The following ARHGAP5 variants were observed in gnomAD, a reference collection of about 807,000 sequenced individuals.
The protein encoded by ARHGAP5 is Rho GTPase activating protein 5, also known as rho GTPase-activating protein 5.
A neutral mutation model predicts 116.6 loss-of-function variants in ARHGAP5; 23 were observed. The ratio of observed to expected loss-of-function variants is 0.20; its 90% CI spans 0.14 to 0.28. The LOEUF is 0.28. Among genes scored for constraint, ARHGAP5 ranks in the 10% least tolerant of loss-of-function variants. The pLI is 1.00. For missense variants in ARHGAP5, 1,405 were observed against 1,774.8 expected (o/e 0.79, Z 3.74); for synonymous variants, 574 against 602.0 (o/e 0.95, Z 0.68).
Position 32,091,820 on chromosome 14 carries a change from C to T in ARHGAP5, c.1151C>T (p.Thr384Ile), listed in dbSNP as rs760226462. 2 of 1,613,514 alleles carry T rather than the reference C, an allele frequency of 1.2e-6. No homozygotes were observed. Among genetic ancestry groups the T allele is most frequent in the Non-Finnish European group, 8.5e-7 (1 of 1,179,628 alleles). ...FQLCFVVLEK[T>I]PWDETDHIDK... Reference sequence around the variant, plus strand: ...TTATGTTTTGTGGTGCTAGAAAAAACTCCTTGGGATGAAACTGACCATATA... The same window carrying T: ...TTATGTTTTGTGGTGCTAGAAAAAATTCCTTGGGATGAAACTGACCATATA... The change falls in exon 2 of 7, where the codon ACT (threonine) becomes ATT (isoleucine). Residue 384 changes from threonine to isoleucine, a missense_variant. Thr to Ile is a moderately conservative substitution (Grantham distance 89). Around this residue, in one of 6 missense-constraint regions of ARHGAP5, gnomAD observed 944 missense variants for 1,095.3 expected, o/e 0.86. Transcript: ENST00000345122.
In ARHGAP5 at chr14:32,092,805, A is replaced by C; in HGVS notation, c.2136A>C (p.Pro712=). 6.2e-7 allele frequency: 1 copy of C among 1,614,060 alleles called. No homozygotes were observed. The highest frequency in any genetic ancestry group is 8.5e-7 in the Non-Finnish European group (1 of 1,179,902). Reference sequence around the variant, plus strand: ...GAGATTCCATTAGTAAGAATCTACCAATTCTCAGGCACCAAGGGCAGCAGT... The same window carrying C: ...GAGATTCCATTAGTAAGAATCTACCCATTCTCAGGCACCAAGGGCAGCAGT... The part of the protein sequence containing the change: ...NQRDSISKNL[P]ILRHQGQQLA... The change falls in exon 2 of 7, where the codon CCA becomes CCC. Residue 712 remains proline (P), a synonymous_variant. Transcript: ENST00000345122. The surrounding 1 kb of genome is among the most constrained non-coding windows in gnomAD (Gnocchi z 4.1).
chr14:32,133,191 C>T (rs1479609892), intron 3 of ARHGAP5, among the ~76,000 whole-genome samples: 2 of 152,142 alleles, frequency 1.3e-5, no homozygotes, highest in African/African-American at 4.8e-5. Context: ...TGGCCATTTT[C>T]ACGATATTGA....
At chr14:32,153,382 G>A (rs956342587) in intron 6 of ARHGAP5, among the ~76,000 whole-genome samples, 3 of 94,360 alleles carry the variant, frequency 3.2e-5, no homozygotes, top group African/African-American at 8.2e-5. Flanking sequence ...ACTTCAGTCT[G>A]GCCAACAGAG....
Position 32,155,177 on chromosome 14 carries a change from G to T in ARHGAP5, c.*229G>T. 6.5e-6 allele frequency: 3 copies of T among 464,900 alleles called. No homozygotes were observed. The highest frequency in any genetic ancestry group is 1.1e-5 in the Non-Finnish European group (3 of 262,384). The allele number at this position is 464,900 out of a possible 1,614,324, so 28.8% of individuals were successfully genotyped here. On this transcript the variant is annotated 3_prime_UTR_variant, in exon 7 of 7. Transcript: ENST00000345122. The stretch of plus-strand genomic sequence containing the variant: ...TTTTATAAACAAAAATAGCTATAAA[G>T]TACAAAGCTGCTGCTGCATGCAACC...
At chr14:32,144,151 G>A (rs1454588810) in intron 3 of ARHGAP5, among the ~76,000 whole-genome samples, 1 of 152,154 alleles carries the variant, frequency 6.6e-6, no homozygotes, top group East Asian at 1.9e-4. Flanking sequence ...ATTGGAGATA[G>A]CAGGGAACGT....
chr14:32,113,752 T>C (rs1879421070), intron 2 of ARHGAP5, among the ~76,000 whole-genome samples: 2 of 152,230 alleles, frequency 1.3e-5, no homozygotes, highest in Admixed American at 6.5e-5. Context: ...TTGGAAAGTT[T>C]AAATTGACTC....
intron 2 of ARHGAP5, among the ~76,000 whole-genome samples, chr14:32,103,225 A>G (rs1049425011): frequency 1.3e-5 from 2 of 152,212 alleles, no homozygotes; most frequent in Non-Finnish European, 2.9e-5. Context: ...ATGTAGTGCA[A>G]GTATTTCTGG....
At position 32,122,302 on chromosome 14, in the gene ARHGAP5, C is replaced by A. The variant is rs188808795; in HGVS notation, c.3865+5015C>A. 4.6e-5 allele frequency among the ~76,000 whole-genome samples: 7 copies of A among 152,230 alleles called. No homozygotes were observed. The East Asian group carries it at 1.4e-3, about 29-fold the overall frequency. On this transcript the variant is annotated intron_variant, in intron 3 of 6. Transcript: ENST00000345122. ...AACATCTTTTTAAGTGCTTTATTGG[C>A]TTTTTGTGCACATCTTTGAAGAAAT...
At chr14:32,139,198 T>G (rs1566681198) in intron 3 of ARHGAP5, among the ~76,000 whole-genome samples, 1 of 152,188 alleles carries the variant, frequency 6.6e-6, no homozygotes, top group Non-Finnish European at 1.5e-5. Context: ...CACTTTGTAT[T>G]TTTAATCTGG....
In ARHGAP5 at chr14:32,159,242, T is replaced by C. The variant is rs1445813876; in HGVS notation, c.*4294T>C. 1 of 152,166 alleles carries C rather than the reference T, an allele frequency of 6.6e-6. No individual in the cohort carries two copies. The highest frequency in any genetic ancestry group is 1.5e-5 in the Non-Finnish European group (1 of 67,992). 9.4% of individuals were successfully genotyped at this position (152,166 alleles called of 1,614,324 possible). ...TAGTAGTATTAAGACCTGCAGTATA[T>C]GCACTTTTTGAGTAGCTGTCAAATA... On this transcript the variant is annotated 3_prime_UTR_variant, in exon 7 of 7. Transcript: ENST00000345122.
intron 5 of ARHGAP5, among the ~76,000 whole-genome samples, chr14:32,150,398 T>C (rs1881585936): frequency 6.6e-6 from 1 of 152,234 alleles, no homozygotes; most frequent in Non-Finnish European, 1.5e-5. Flanking sequence ...TTACCTGTTT[T>C]ATGTTGCTGT....
intron 3 of ARHGAP5, among the ~76,000 whole-genome samples, chr14:32,125,201 A>G (rs1279350273): frequency 2.0e-5 from 3 of 152,280 alleles, no homozygotes; most frequent in Admixed American, 6.5e-5. Context: ...GCAGTAACCA[A>G]TCTGCTTTAT....
At chr14:32,078,837 C>A (rs1309121917) in intron 1 of ARHGAP5, among the ~76,000 whole-genome samples, 1 of 152,164 alleles carries the variant, frequency 6.6e-6, no homozygotes, top group Non-Finnish European at 1.5e-5. Flanking sequence ...CTTTTGCTGT[C>A]AATTCTAGTT....
At chr14:32,145,957 T>G (rs1033761064) in intron 3 of ARHGAP5, among the ~76,000 whole-genome samples, 3 of 151,946 alleles carry the variant, frequency 2.0e-5, no homozygotes, top group Non-Finnish European at 2.9e-5. Flanking sequence ...TGGTTGGGGT[T>G]TTTTTTTGGA....
chr14:32,120,922 T>A (rs988740345), intron 3 of ARHGAP5, among the ~76,000 whole-genome samples: 1 of 152,060 alleles, frequency 6.6e-6, no homozygotes, highest in African/African-American at 2.4e-5. Context: ...CAATCATGAT[T>A]GTAGATTGTG....
At chr14:32,118,326 A>G (rs968870080) in intron 3 of ARHGAP5, among the ~76,000 whole-genome samples, 1 of 151,968 alleles carries the variant, frequency 6.6e-6, no homozygotes, top group South Asian at 2.1e-4. Context: ...GTGAAACCCT[A>G]TCTCTACTAA....
chr14:32,134,328 C>G (rs1408493020), intron 3 of ARHGAP5, among the ~76,000 whole-genome samples: 1 of 152,002 alleles, frequency 6.6e-6, no homozygotes. Context: ...ATATGTATCC[C>G]CCTCCCCACA....
At position 32,093,660 on chromosome 14, in the gene ARHGAP5, T is replaced by G. The variant is rs1304548202; in HGVS notation, c.2991T>G (p.Asp997Glu). ...CTCCTTATAGTCCAATTGGGGATGATGTACAGTTGCTTCCAACACCTAGTG... is the reference window on the plus strand; with the variant it reads ...CTCCTTATAGTCCAATTGGGGATGAGGTACAGTTGCTTCCAACACCTAGTG... ...APPPYSPIGD[D>E]VQLLPTPSDR... The change falls in exon 2 of 7, where the codon GAT becomes GAG. Residue 997 changes from aspartate to glutamate, a missense_variant. By Grantham distance (45) the Asp-to-Glu change is conservative. This residue lies in a region of ARHGAP5 where 944 missense variants were observed against 1,095.3 expected (regional missense o/e 0.86). Transcript: ENST00000345122. 9 of 1,613,822 alleles carry G rather than the reference T, an allele frequency of 5.6e-6. No homozygotes were observed. The highest frequency in any genetic ancestry group is 1.3e-5 in the African/African-American group (1 of 74,896).
intron 2 of ARHGAP5, among the ~76,000 whole-genome samples, chr14:32,102,388 C>T (rs1202219550): frequency 6.6e-6 from 1 of 152,172 alleles, no homozygotes; most frequent in African/African-American, 2.4e-5. Flanking sequence ...TCTGACCAGC[C>T]TGGGCAACAT....
Sources: gnomAD v4.1 joint callset for allele counts (sites outside exome capture counted in the v4.1 genomes callset) on GRCh38, gnomAD v4.1.1 for gene constraint, gnomAD v4.1.1 regional missense constraint, Gnocchi (gnomAD v3.1) non-coding constraint, MANE v1.5 for transcripts, NCBI Gene and HGNC (gene_info 2026-07-23, HGNC 2026-07-21) for gene names.